The following GABRG3 variants were observed in gnomAD, a reference collection of about 807,000 sequenced individuals.
GABRG3 encodes the protein gamma-aminobutyric acid type A receptor subunit gamma3.
A neutral mutation model predicts 48.8 loss-of-function variants in GABRG3; 25 were observed. That is an observed-to-expected ratio of 0.51 (90% confidence interval 0.37 to 0.72). The LOEUF is 0.72. Ranked by LOEUF, GABRG3 falls within the 30% of genes least tolerant of loss-of-function variation. The pLI, the probability that GABRG3 is intolerant of heterozygous loss-of-function variation, is 0.00. For missense variants in GABRG3, 394 were observed against 577.9 expected (o/e 0.68, Z 3.26); for synonymous variants, 227 against 217.6 (o/e 1.04, Z -0.38).
intron 3 of GABRG3, among the ~76,000 whole-genome samples, chr15:27,283,380 G>A (rs1251802063): frequency 1.3e-5 from 2 of 152,186 alleles, no homozygotes; most frequent in Non-Finnish European, 2.9e-5. Flanking sequence ...GAGGCGGGTG[G>A]ATCACCTGAG....
intron 3 of GABRG3, among the ~76,000 whole-genome samples, chr15:27,221,137 CAG>C (rs938498461): frequency 1.3e-5 from 2 of 152,104 alleles, no homozygotes; most frequent in African/African-American, 4.8e-5. Flanking sequence ...TTTTACAAAA[CAG>C]ATGATTAAAA....
intron 3 of GABRG3, among the ~76,000 whole-genome samples, chr15:27,071,176 A>G (rs1223116995): frequency 1.3e-5 from 2 of 152,208 alleles, no homozygotes; most frequent in Non-Finnish European, 2.9e-5. Context: ...GTCCCTGGGT[A>G]GTAGCTGTGT....
At chr15:27,290,872 A>G (rs1891772803) in intron 3 of GABRG3, among the ~76,000 whole-genome samples, 1 of 152,232 alleles carries the variant, frequency 6.6e-6, no homozygotes, top group Non-Finnish European at 1.5e-5. Flanking sequence ...TAACACATAT[A>G]CCATACTAAT....
chr15:27,059,726 T>C (rs1293175702), intron 3 of GABRG3, among the ~76,000 whole-genome samples: 2 of 152,210 alleles, frequency 1.3e-5, no homozygotes, highest in African/African-American at 2.4e-5. Context: ...TTTCCTGCCA[T>C]GGGCATAGGT....
At chr15:27,499,965 C>T (rs534767527) in intron 6 of GABRG3, among the ~76,000 whole-genome samples, 64 of 152,182 alleles carry the variant, frequency 4.2e-4, no homozygotes, top group Non-Finnish European at 7.8e-4. Flanking sequence ...GAGCCAAGTC[C>T]CCTGGCAGAG....
chr15:27,088,665 A>G (rs1377203230), intron 3 of GABRG3, among the ~76,000 whole-genome samples: 1 of 152,116 alleles, frequency 6.6e-6, no homozygotes, highest in African/African-American at 2.4e-5. Context: ...TCACGTGGCC[A>G]GGAGAGAGCG....
rs368175134 is a variant in GABRG3, at chr15:27,128,043, T to C, written c.270+101222T>C. On this transcript the variant is annotated intron_variant, in intron 3 of 9. Coordinates refer to ENST00000615808, the MANE Select transcript of GABRG3 (RefSeq NM_033223.5). ...TAAAATGGACACATCTCATGACATA[T>C]AAAGGGAAACCTTTCATCCTTTAAC... 1.5e-4 allele frequency among the ~76,000 whole-genome samples: 23 copies of C among 152,272 alleles called. No homozygotes were observed. The East Asian group carries it at 3.3e-3, about 22-fold the overall frequency.
chr15:27,385,567 G>T (rs9330520), intron 5 of GABRG3, among the ~76,000 whole-genome samples: 85,833 of 151,724 alleles, frequency 0.57, 24,480 homozygotes, highest in East Asian at 0.67. Flanking sequence ...TCTTCATTCT[G>T]TTTTCTTTCT....
chr15:27,337,368 C>G (rs1341146537), intron 5 of GABRG3, among the ~76,000 whole-genome samples: 1 of 152,138 alleles, frequency 6.6e-6, no homozygotes, highest in Non-Finnish European at 1.5e-5. Context: ...TTATTCAATA[C>G]AGTCTATACA....
At chr15:27,427,691 C>T (rs1280883249) in intron 5 of GABRG3, among the ~76,000 whole-genome samples, 1 of 152,162 alleles carries the variant, frequency 6.6e-6, no homozygotes, top group East Asian at 1.9e-4. Context: ...ATCATTTGTT[C>T]CAAATTACAA....
At chr15:27,386,550 CTT>C (rs995756938) in intron 5 of GABRG3, among the ~76,000 whole-genome samples, 1 of 150,668 alleles carries the variant, frequency 6.6e-6, no homozygotes, top group Admixed American at 6.6e-5. Flanking sequence ...ACTTGGGGGA[CTT>C]TTTTTTTCAG....
chr15:27,275,689 G>T (rs74004787), intron 3 of GABRG3, among the ~76,000 whole-genome samples: 5,792 of 152,258 alleles, frequency 0.038, 383 homozygotes, highest in African/African-American at 0.13. Context: ...TTCTTGTTAA[G>T]AACAGACAAA....
intron 3 of GABRG3, among the ~76,000 whole-genome samples, chr15:27,105,025 C>T (rs12443189): frequency 2.6e-5 from 4 of 151,806 alleles, no homozygotes; most frequent in African/African-American, 9.7e-5. Flanking sequence ...CAACTATATG[C>T]TGTTTACAAG....
intron 7 of GABRG3, among the ~76,000 whole-genome samples, chr15:27,522,343 G>A (rs1891178214): frequency 6.6e-6 from 1 of 151,622 alleles, no homozygotes; most frequent in East Asian, 1.9e-4. Context: ...AAATTCTAAA[G>A]CAAGCTAATT....
At chr15:27,034,167 T>G (rs1896136106) in intron 3 of GABRG3, among the ~76,000 whole-genome samples, 1 of 152,216 alleles carries the variant, frequency 6.6e-6, no homozygotes, top group African/African-American at 2.4e-5. Context: ...TATTGATGCC[T>G]TAATTTGATG....
At chr15:27,444,310 A>G (rs1029864753) in intron 5 of GABRG3, among the ~76,000 whole-genome samples, 3 of 152,146 alleles carry the variant, frequency 2.0e-5, no homozygotes, top group African/African-American at 7.2e-5. Context: ...CTCTATTTCT[A>G]CATGTGATTT....
At chr15:27,435,141 A>C (rs1464861354) in intron 5 of GABRG3, among the ~76,000 whole-genome samples, 1 of 151,406 alleles carries the variant, frequency 6.6e-6, no homozygotes, top group Non-Finnish European at 1.5e-5. Context: ...GGTCTTCCCC[A>C]TCACCCTATA....
intron 3 of GABRG3, among the ~76,000 whole-genome samples, chr15:27,214,209 A>G (rs966214021): frequency 2.0e-5 from 3 of 152,198 alleles, no homozygotes; most frequent in African/African-American, 4.8e-5. Context: ...GGGGGTTGCC[A>G]GTTATCTAGT....
chr15:27,241,074 A>G (rs774719836), intron 3 of GABRG3, among the ~76,000 whole-genome samples: 3 of 152,208 alleles, frequency 2.0e-5, no homozygotes, highest in Admixed American at 6.5e-5. Flanking sequence ...TCAAGCATCC[A>G]TAGGAAAGGT....
Sources: gnomAD v4.1 joint callset for allele counts (sites outside exome capture counted in the v4.1 genomes callset) on GRCh38, gnomAD v4.1.1 for gene constraint, MANE v1.5 for transcripts, NCBI Gene and HGNC (gene_info 2026-07-23, HGNC 2026-07-21) for gene names.